RANBP3: variants seen among roughly 807,000 people sequenced by gnomAD.
RANBP3 encodes the protein ran-binding protein 3.
RANBP3 carries 14 observed loss-of-function variants against 77.3 expected under a neutral mutation model. The ratio of observed to expected loss-of-function variants is 0.18; its 90% CI spans 0.12 to 0.28. RANBP3 has a LOEUF of 0.28. RANBP3 is among the 10% of genes least tolerant of loss of function. RANBP3 has a pLI of 1.00. For synonymous variants in RANBP3, 315 were observed against 312.4 expected, an observed-to-expected ratio of 1.01 and a Z score of -0.09; for missense variants, 586 against 752.3, an observed-to-expected ratio of 0.78 and a Z score of 2.59.
chr19:5,927,134 T>C (rs374468212), intron 9 of RANBP3, among the ~76,000 whole-genome samples: 1 of 152,060 alleles, frequency 6.6e-6, no homozygotes, highest in Non-Finnish European at 1.5e-5. Flanking sequence ...TTCTTGCCAG[T>C]GGAGCTGCTA....
In RANBP3 at chr19:5,921,149, C is replaced by T; in HGVS notation, c.1330+52G>A. 1 of 1,582,774 alleles carries T rather than the reference C, an allele frequency of 6.3e-7. No homozygotes were observed. The highest frequency in any genetic ancestry group is 1.8e-4 in the Middle Eastern group (1 of 5,666). ...TCATTCCCTTTGGAATTGCATAGTC[C>T]CCAGCCCTCCCCATGGGGACCCGGC... On this transcript the variant is annotated intron_variant, in intron 14 of 16. Transcript: ENST00000340578. This position sits in a 1 kb window ranked among gnomAD's most constrained non-coding sequence, Gnocchi z 5.3.
In RANBP3 at chr19:5,928,084, TCTC is replaced by T. The variant is rs1461215745; in HGVS notation, c.694_696del (p.Glu232del). 1 of 1,607,660 alleles carries T rather than the reference TCTC, an allele frequency of 6.2e-7. No homozygotes were observed. Among genetic ancestry groups the T allele is most frequent in the Non-Finnish European group, 8.5e-7 (1 of 1,178,244 alleles). ...CTGGACTCATTTTTCTGGGGCTCTTTCTCCTATCAAAAACCAAAACAAAACAGA... is the reference window on the plus strand; with the variant it reads ...CTGGACTCATTTTTCTGGGGCTCTTTCTATCAAAAACCAAAACAAAACAGA... On this transcript the variant is annotated inframe_deletion and splice_region_variant, in exon 9 of 17. Coordinates refer to ENST00000340578, the MANE Select transcript of RANBP3 (RefSeq NM_007322.3).
At chr19:5,953,906 T>C (rs1459330123) in intron 2 of RANBP3, among the ~76,000 whole-genome samples, 1 of 152,142 alleles carries the variant, frequency 6.6e-6, no homozygotes, top group East Asian at 1.9e-4. Context: ...TTTTCTATCC[T>C]GGAACGATAG....
intron 1 of RANBP3, among the ~76,000 whole-genome samples, chr19:5,967,058 C>A (rs1476835252): frequency 3.9e-5 from 6 of 152,246 alleles, no homozygotes; most frequent in African/African-American, 1.4e-4. Context: ...AAATCTGTCA[C>A]TGACGTGTCA....
At chr19:5,969,058 C>T (rs549866243) in intron 1 of RANBP3, among the ~76,000 whole-genome samples, 68 of 152,178 alleles carry the variant, frequency 4.5e-4, no homozygotes, top group Non-Finnish European at 9.4e-4. Context: ...GCAGAGGGGA[C>T]CCCAAGTCAA....
chr19:5,923,354 G>A (rs761503062), intron 12 of RANBP3, 51 bp from the exon 13 acceptor site: 1 of 1,528,318 alleles, frequency 6.5e-7, no homozygotes, highest in Non-Finnish European at 9.1e-7. Context: ...CGAGAGGAGA[G>A]CCATCTCCCC....
chr19:5,941,570 G>T, intron 5 of RANBP3, 51 bp downstream of exon 5: 2 of 1,479,014 alleles, frequency 1.4e-6, no homozygotes, highest in South Asian at 1.2e-5. Flanking sequence ...GGGGAATGGC[G>T]GGTTTGTAAG....
intron 1 of RANBP3, chr19:5,962,774 G>A (rs1172485566): frequency 2.2e-6 from 1 of 455,814 alleles, no homozygotes; most frequent in African/African-American, 2.0e-5. Flanking sequence ...TTGATCAACT[G>A]CAAATCAGCA....
At chr19:5,947,506 A>C (rs566462567) in intron 3 of RANBP3, among the ~76,000 whole-genome samples, 1 of 152,216 alleles carries the variant, frequency 6.6e-6, no homozygotes, top group East Asian at 1.9e-4. Context: ...TCAGGATGAC[A>C]CCGGGGAATG....
rs116775597 is a variant in RANBP3, at chr19:5,922,345, G to A, written c.1209+849C>T. ...ATGAACAGATGACAAAGTGGTAAGTGGGAAAAAAGAACAGTGCTCTTAAGA... is the reference window on the plus strand; with the variant it reads ...ATGAACAGATGACAAAGTGGTAAGTAGGAAAAAAGAACAGTGCTCTTAAGA... On this transcript the variant is annotated intron_variant, in intron 13 of 16. Coordinates refer to ENST00000340578, the MANE Select transcript of RANBP3 (RefSeq NM_007322.3). 1.5e-3 allele frequency among the ~76,000 whole-genome samples: 222 copies of A among 152,256 alleles called. 1 individual carries two copies. The highest frequency in any genetic ancestry group is 5.1e-3 in the African/African-American group (212 of 41,546).
chr19:5,969,833 C>G (rs2058510223), intron 1 of RANBP3, among the ~76,000 whole-genome samples: 1 of 152,220 alleles, frequency 6.6e-6, no homozygotes, highest in Non-Finnish European at 1.5e-5. Context: ...TGTTAAAGGT[C>G]AAGGAAAAGA....
intron 8 of RANBP3, among the ~76,000 whole-genome samples, chr19:5,930,524 C>T (rs1267597757): frequency 6.6e-6 from 1 of 152,222 alleles, no homozygotes; most frequent in Non-Finnish European, 1.5e-5. Flanking sequence ...CTGTGAAACA[C>T]AAAGCTTTTG....
chr19:5,943,573 T>G (rs1409252283), intron 3 of RANBP3, among the ~76,000 whole-genome samples: 1 of 152,194 alleles, frequency 6.6e-6, no homozygotes, highest in Non-Finnish European at 1.5e-5. Flanking sequence ...TGACTTGAAG[T>G]CACATAGCTC....
intron 3 of RANBP3, among the ~76,000 whole-genome samples, chr19:5,949,292 G>A (rs548257180): frequency 2.0e-4 from 30 of 152,318 alleles, no homozygotes; most frequent in African/African-American, 7.0e-4. Context: ...AGTTGGCATC[G>A]GGTTCCATCT....
intron 1 of RANBP3, among the ~76,000 whole-genome samples, chr19:5,971,413 C>T (rs1450407392): frequency 6.6e-6 from 1 of 152,066 alleles, no homozygotes; most frequent in Non-Finnish European, 1.5e-5. Flanking sequence ...ATCCTCCCAC[C>T]TCAGCCTCCC....
intron 1 of RANBP3, among the ~76,000 whole-genome samples, chr19:5,963,147 T>C (rs1256440299): frequency 6.6e-6 from 1 of 152,202 alleles, no homozygotes; most frequent in Admixed American, 6.5e-5. Flanking sequence ...AACCAAGTGG[T>C]TGGGTTTTTT....
chr19:5,974,272 T>C (rs558318218), intron 1 of RANBP3: 1 of 152,352 alleles, frequency 6.6e-6, no homozygotes, highest in Non-Finnish European at 1.5e-5. Flanking sequence ...CCACCACGCA[T>C]GTCCACAGGC....
At chr19:5,974,690 G>A (rs775747599) in intron 1 of RANBP3, among the ~76,000 whole-genome samples, 2 of 152,012 alleles carry the variant, frequency 1.3e-5, no homozygotes, top group East Asian at 1.9e-4. Flanking sequence ...ACAAGCAGAG[G>A]ACACCTACCC....
At chr19:5,971,711 A>C (rs958256062) in intron 1 of RANBP3, among the ~76,000 whole-genome samples, 1 of 152,356 alleles carries the variant, frequency 6.6e-6, no homozygotes. Flanking sequence ...TTCCAAGGAC[A>C]CTAAATCCTA....
Sources: gnomAD v4.1 joint callset for allele counts (sites outside exome capture counted in the v4.1 genomes callset) on GRCh38, gnomAD v4.1.1 for gene constraint, Gnocchi (gnomAD v3.1) non-coding constraint, MANE v1.5 for transcripts, NCBI Gene and HGNC (gene_info 2026-07-23, HGNC 2026-07-21) for gene names.